SIK3: variants seen among roughly 807,000 people sequenced by gnomAD.
SIK3 encodes SIK family kinase 3.
SIK3 carries 28 observed loss-of-function variants against 144.2 expected under a neutral mutation model. The observed-to-expected ratio is 0.19, with a 90% CI of 0.14 to 0.27. The LOEUF (loss-of-function observed/expected upper bound fraction) is 0.27. Among genes scored for constraint, SIK3 ranks in the 10% least tolerant of loss-of-function variants. The probability of loss-of-function intolerance (pLI) is 1.00; values close to 1 mark genes in which losing one functional copy is unlikely to be tolerated. For missense variants in SIK3, 1,319 were observed against 1,776.0 expected (o/e 0.74, Z 4.62); for synonymous variants, 686 against 676.3 (o/e 1.01, Z -0.22).
chr11:116,873,823 T>C (rs1944096412), intron 12 of SIK3, 80 bp downstream of exon 12: 1 of 1,531,022 alleles, frequency 6.5e-7, no homozygotes. Context: ...CCTTAAGTCC[T>C]AGGGAAGGTG....
intron 1 of SIK3, among the ~76,000 whole-genome samples, chr11:116,970,677 G>A (rs565441612): frequency 1.3e-5 from 2 of 151,938 alleles, no homozygotes; most frequent in African/African-American, 4.8e-5. Context: ...TAGAGACAGA[G>A]TCTTGCTCCG....
chr11:116,891,772 T>G (rs143744306), intron 6 of SIK3, among the ~76,000 whole-genome samples: 1 of 152,144 alleles, frequency 6.6e-6, no homozygotes, highest in Non-Finnish European at 1.5e-5. Flanking sequence ...AAGTTGACAA[T>G]AGATTAGAGG....
chr11:116,952,441 G>GT (rs1948977684), intron 3 of SIK3, among the ~76,000 whole-genome samples: 1 of 152,126 alleles, frequency 6.6e-6, no homozygotes, highest in Non-Finnish European at 1.5e-5. Flanking sequence ...TTTTCTATTT[G>GT]CCTTTGTATA....
In SIK3 at chr11:116,905,390, G is replaced by T. The variant is rs111245276; in HGVS notation, c.617-8073C>A. On this transcript the variant is annotated intron_variant, in intron 4 of 24. Transcript: ENST00000445177. The stretch of plus-strand genomic sequence containing the variant: ...ATTCAGGTTGTTTCCACTTTGCAGC[G>T]ACTAAAAATAATGCTGCTATGAACA... 9.9e-3 allele frequency among the ~76,000 whole-genome samples: 1,501 copies of T among 152,168 alleles called. 26 individuals carry two copies. Among genetic ancestry groups the T allele is most frequent in the African/African-American group, 0.035 (1,456 of 41,488 alleles).
chr11:116,860,408 G>A (rs1031637142), intron 19 of SIK3, among the ~76,000 whole-genome samples: 4 of 152,136 alleles, frequency 2.6e-5, no homozygotes, highest in African/African-American at 4.8e-5. Flanking sequence ...GACGTAGCTC[G>A]TGGAGTGTTA....
intron 4 of SIK3, among the ~76,000 whole-genome samples, chr11:116,899,923 T>C (rs1178306747): frequency 2.0e-5 from 3 of 152,198 alleles, no homozygotes; most frequent in African/African-American, 7.2e-5. Flanking sequence ...CTCCTTTTGC[T>C]ATTTGCTTTC....
At chr11:116,899,075 G>A (rs1254325057) in intron 4 of SIK3, among the ~76,000 whole-genome samples, 1 of 152,070 alleles carries the variant, frequency 6.6e-6, no homozygotes, top group Non-Finnish European at 1.5e-5. Context: ...GTAATGCCTA[G>A]GTTTTCTTCT....
Position 116,875,433 on chromosome 11 carries a change from C to T in SIK3, c.1258G>A (p.Ala420Thr). The part of the protein sequence containing the change: ...VNIQAEQAGT[A>T]MNISVPQVQL... ...ACCTGGGGAACGCTGATGTTCATAGCAGTACCTGCCTGCTCCGCCTGGAAA... is the reference window on the plus strand; with the variant it reads ...ACCTGGGGAACGCTGATGTTCATAGTAGTACCTGCCTGCTCCGCCTGGAAA... Residue 420 changes from alanine (A) to threonine (T), a missense_variant, in exon 10 of 25, where the codon GCT (alanine) becomes ACT (threonine). By Grantham distance (58) the Ala-to-Thr change is moderately conservative. This residue lies in a region of SIK3 where 109 missense variants were observed against 109.3 expected (regional missense o/e 1.00). Transcript: ENST00000445177. The T allele has an allele frequency of 6.2e-7, 1 of 1,614,196 alleles. No individual in the cohort carries two copies. Among genetic ancestry groups the T allele is most frequent in the Non-Finnish European group, 8.5e-7 (1 of 1,180,028 alleles).
rs140696948 is a variant in SIK3 at position 117,087,694 on chromosome 11, G to A, written c.273+10449C>T. On this transcript the variant is annotated intron_variant, in intron 1 of 24. Coordinates refer to ENST00000445177, the MANE Select transcript of SIK3 (RefSeq NM_001366686.3). ...AAGCCTGCTCATACACTGCTCAGGAGGTTAATTCTAGTGCAGCCTTTCTGG... is the reference window on the plus strand; with the variant it reads ...AAGCCTGCTCATACACTGCTCAGGAAGTTAATTCTAGTGCAGCCTTTCTGG... Among the ~76,000 whole-genome samples, 617 of 152,274 alleles carry A rather than the reference G, an allele frequency of 4.1e-3. 7 individuals carry two copies. The highest frequency in any genetic ancestry group is 8.8e-3 in the Admixed American group (135 of 15,276).
chr11:117,046,973 T>C (rs1053614759), intron 1 of SIK3, among the ~76,000 whole-genome samples: 2 of 152,218 alleles, frequency 1.3e-5, no homozygotes, highest in Admixed American at 6.5e-5. Context: ...TCCTATATTT[T>C]AAAACTGTAA....
intron 1 of SIK3, among the ~76,000 whole-genome samples, chr11:116,999,944 C>T (rs1426360240): frequency 6.6e-6 from 1 of 152,084 alleles, no homozygotes; most frequent in Non-Finnish European, 1.5e-5. Flanking sequence ...TCCCCAAATC[C>T]CAGAGCAACA....
At chr11:117,036,161 T>C (rs1322783144) in intron 1 of SIK3, 1 of 473,118 alleles carries the variant, frequency 2.1e-6, no homozygotes, top group Non-Finnish European at 3.7e-6. Flanking sequence ...CTTCAAGCAA[T>C]CCTTTCATCT....
At chr11:117,017,819 A>G (rs1951600815) in intron 1 of SIK3, among the ~76,000 whole-genome samples, 1 of 152,216 alleles carries the variant, frequency 6.6e-6, no homozygotes, top group Non-Finnish European at 1.5e-5. Flanking sequence ...ATACCTGTCT[A>G]GATAGCTTAT....
rs796146890 is a variant in SIK3, at chr11:116,937,378, T to C, written c.455-9998A>G. 1.6e-4 allele frequency among the ~76,000 whole-genome samples: 24 copies of C among 152,370 alleles called. 1 individual carries two copies. Among genetic ancestry groups the C allele is most frequent in the African/African-American group, 5.5e-4 (23 of 41,596 alleles). On this transcript the variant is annotated intron_variant, in intron 3 of 24. Coordinates refer to ENST00000445177, the MANE Select transcript of SIK3 (RefSeq NM_001366686.3). Reference sequence around the variant, plus strand: ...GCTTTAACTTTGGAAACAAGTAATGTCTTACATAACTGAAACAATTCAGAA... The same window carrying C: ...GCTTTAACTTTGGAAACAAGTAATGCCTTACATAACTGAAACAATTCAGAA...
chr11:116,905,906 G>A (rs995134783), intron 4 of SIK3, among the ~76,000 whole-genome samples: 15 of 152,108 alleles, frequency 9.9e-5, no homozygotes, highest in African/African-American at 3.1e-4. Flanking sequence ...CCCATTCTGT[G>A]GACTTTCATT....
chr11:116,982,168 CAGT>C (rs1436689260), intron 1 of SIK3, among the ~76,000 whole-genome samples: 1 of 152,158 alleles, frequency 6.6e-6, no homozygotes, highest in Non-Finnish European at 1.5e-5. Context: ...GGACAGTCTC[CAGT>C]AGGACCTTCC....
Position 117,098,168 on chromosome 11 carries a change from G to A in SIK3, c.248C>T (p.Ala83Val). 1.3e-6 allele frequency: 2 copies of A among 1,515,866 alleles called. No individual in the cohort carries two copies. The highest frequency in any genetic ancestry group is 2.8e-5 in the East Asian group (1 of 35,226). The allele number at this position is 1,515,866 out of a possible 1,614,324, so 93.9% of individuals were successfully genotyped here. A position where few individuals can be genotyped will look rare whatever the true frequency, so the allele number is the denominator to read the frequency against. The change falls in exon 1 of 25, where the codon GCC (alanine) becomes GTC (valine). Residue 83 changes from alanine to valine, a missense_variant. Ala to Val is a moderately conservative substitution (Grantham distance 64). Coordinates refer to ENST00000445177, the MANE Select transcript of SIK3 (RefSeq NM_001366686.3). Reference sequence around the variant, plus strand: ...CTTGGCCTTGGTGACGAGGTGCGTGGCCCGCTTGACCACCGCGAAGTTGCC... The same window carrying A: ...CTTGGCCTTGGTGACGAGGTGCGTGACCCGCTTGACCACCGCGAAGTTGCC... ...GKGNFAVVKRATHLVTKAKVA... is the reference protein window; with the variant it reads ...GKGNFAVVKRVTHLVTKAKVA...
At chr11:116,962,079 C>T (rs1005672676) in intron 1 of SIK3, among the ~76,000 whole-genome samples, 1 of 152,172 alleles carries the variant, frequency 6.6e-6, no homozygotes, top group Non-Finnish European at 1.5e-5. Context: ...GGTTTCTTCA[C>T]AACAGGCAAT....
intron 1 of SIK3, among the ~76,000 whole-genome samples, chr11:116,967,914 C>T (rs11216202): frequency 6.6e-6 from 1 of 152,154 alleles, no homozygotes; most frequent in Non-Finnish European, 1.5e-5. Context: ...ACAGATAATG[C>T]CCCTCTGGGA....
Sources: gnomAD v4.1 joint callset for allele counts (sites outside exome capture counted in the v4.1 genomes callset) on GRCh38, gnomAD v4.1.1 for gene constraint, gnomAD v4.1.1 regional missense constraint, MANE v1.5 for transcripts, NCBI Gene and HGNC (gene_info 2026-07-23, HGNC 2026-07-21) for gene names.